The following C2CD3 variants were observed in gnomAD, a reference collection of about 807,000 sequenced individuals.
C2CD3 encodes C2 domain containing 3 centriole elongation regulator.
A neutral mutation model predicts 234.0 loss-of-function variants in C2CD3; 148 were observed. The observed-to-expected ratio is 0.63, with a 90% CI of 0.55 to 0.72. The LOEUF is 0.72. Among genes scored for constraint, C2CD3 ranks in the 30% least tolerant of loss-of-function variants. C2CD3 has a pLI of 0.00. For missense variants in C2CD3, 2,577 were observed against 2,811.5 expected, an observed-to-expected ratio of 0.92 and a Z score of 1.89; for synonymous variants, 1,000 against 1,035.4, an observed-to-expected ratio of 0.97 and a Z score of 0.66.
chr11:74,134,099 T>C lies in C2CD3; in HGVS notation c.956-542A>G, dbSNP rs183203796. Among the ~76,000 whole-genome samples the C allele has an allele frequency of 8.3e-4, 126 of 152,300 alleles. No individual in the cohort carries two copies. In the Middle Eastern group the frequency reaches 0.024, roughly 29 times the overall value. Reference sequence around the variant, plus strand: ...TCAGAGAATACACTTATGGAATGTTTACCACATGCGAGGCACTATTCTAAG... The same window carrying C: ...TCAGAGAATACACTTATGGAATGTTCACCACATGCGAGGCACTATTCTAAG... On this transcript the variant is annotated intron_variant, in intron 5 of 32. Transcript: ENST00000334126.
chr11:74,130,286 T>C (rs1590892926), intron 7 of C2CD3, among the ~76,000 whole-genome samples: 1 of 151,704 alleles, frequency 6.6e-6, no homozygotes, highest in Non-Finnish European at 1.5e-5. Flanking sequence ...AATACGGTGG[T>C]GTAATCCTAG....
chr11:74,133,394 C>T, intron 6 of C2CD3, 31 bp downstream of exon 6: 1 of 1,596,782 alleles, frequency 6.3e-7, no homozygotes, highest in South Asian at 1.1e-5. Flanking sequence ...AAGAAATGAA[C>T]TGTTAAGGTT....
Position 74,074,233 on chromosome 11 carries a change from G to C in C2CD3, c.4951+20C>G. ...CCCTGAAGAGTTAGACATGCTCCTGGGTAGGTGAGGAGAGCATACCTTTCA... is the reference window on the plus strand; with the variant it reads ...CCCTGAAGAGTTAGACATGCTCCTGCGTAGGTGAGGAGAGCATACCTTTCA... On this transcript the variant is annotated intron_variant, in intron 24 of 32. Coordinates refer to ENST00000334126, the MANE Select transcript of C2CD3 (RefSeq NM_001286577.2). 6.4e-7 allele frequency: 1 copy of C among 1,551,250 alleles called. No homozygotes were observed. The highest frequency in any genetic ancestry group is 8.9e-7 in the Non-Finnish European group (1 of 1,127,892).
chr11:74,033,690 T>C lies in C2CD3; in HGVS notation c.6470A>G (p.Glu2157Gly). 5 of 1,536,302 alleles carry C rather than the reference T, an allele frequency of 3.3e-6. No homozygotes were observed. Among genetic ancestry groups the C allele is most frequent in the Non-Finnish European group, 4.4e-6 (5 of 1,146,920 alleles). Residue 2157 changes from glutamate to glycine, a missense_variant, in exon 31 of 33, where the codon GAG becomes GGG. Glu to Gly is a moderately conservative substitution (Grantham distance 98). Transcript: ENST00000334126. The stretch of plus-strand genomic sequence containing the variant: ...GCCACCAACCCTGGCCTTAGAGGCC[T>C]CACACTCACAAGCAACAAGACTTTG... ...PSQSLVACEC[E>G]ASKARVGGES... is the part of the protein sequence containing the mutation.
At chr11:74,029,436 A>G (rs1431058393) in intron 31 of C2CD3, among the ~76,000 whole-genome samples, 3 of 152,224 alleles carry the variant, frequency 2.0e-5, no homozygotes, top group African/African-American at 7.2e-5. Context: ...ATATCTTGTG[A>G]ATGAATGAAA....
At chr11:74,039,206 G>C (rs747167136) in intron 29 of C2CD3, among the ~76,000 whole-genome samples, 1 of 152,192 alleles carries the variant, frequency 6.6e-6, no homozygotes, top group Non-Finnish European at 1.5e-5. Flanking sequence ...TTAGACCAGT[G>C]TAGAACCATG....
intron 3 of C2CD3, among the ~76,000 whole-genome samples, chr11:74,141,620 AAC>A (rs1277225511): frequency 1.3e-5 from 2 of 152,154 alleles, no homozygotes; most frequent in Non-Finnish European, 2.9e-5. Context: ...TTACAATCAA[AAC>A]ACAGTGGCCT....
chr11:74,102,120 G>A (rs550746465), intron 14 of C2CD3, among the ~76,000 whole-genome samples: 313 of 152,244 alleles, frequency 2.1e-3, no homozygotes, highest in African/African-American at 6.9e-3. Flanking sequence ...AATTAAGTTA[G>A]TAGTATCTAT....
chr11:74,154,780 G>C (rs1377539056), intron 3 of C2CD3, among the ~76,000 whole-genome samples: 2 of 152,098 alleles, frequency 1.3e-5, no homozygotes, highest in Non-Finnish European at 2.9e-5. Flanking sequence ...TTGGCTTGGG[G>C]GTTGCAGTCT....
At chr11:74,043,076 G>A (rs925250444) in intron 28 of C2CD3, among the ~76,000 whole-genome samples, 7 of 152,136 alleles carry the variant, frequency 4.6e-5, no homozygotes, top group South Asian at 2.1e-4. Context: ...ATGCAGTTAC[G>A]TAACTGTTAC....
chr11:74,112,445 A>C (rs569982657), intron 11 of C2CD3, among the ~76,000 whole-genome samples: 2 of 152,146 alleles, frequency 1.3e-5, no homozygotes, highest in African/African-American at 4.8e-5. Flanking sequence ...AGAAAAAAAA[A>C]CAGATAAACT....
At chr11:74,102,870 T>A (rs530390425) in intron 14 of C2CD3, among the ~76,000 whole-genome samples, 8 of 152,076 alleles carry the variant, frequency 5.3e-5, no homozygotes, top group Admixed American at 3.9e-4. Flanking sequence ...CAGAAAGGAA[T>A]AGAATCCCAA....
intron 29 of C2CD3, among the ~76,000 whole-genome samples, chr11:74,041,050 G>A (rs957411583): frequency 6.6e-6 from 1 of 151,230 alleles, no homozygotes; most frequent in African/African-American, 2.4e-5. Context: ...ATCTGTATGG[G>A]TAACTTTTTA....
At chr11:74,098,891 T>C (rs1478549316) in intron 15 of C2CD3, among the ~76,000 whole-genome samples, 4 of 152,206 alleles carry the variant, frequency 2.6e-5, no homozygotes, top group Non-Finnish European at 5.9e-5. Context: ...CTCAAGCAAT[T>C]CATTTAACAT....
In C2CD3 at chr11:74,033,949, G is replaced by C; in HGVS notation, c.6211C>G (p.Pro2071Ala). The C allele has an allele frequency of 6.5e-7, 1 of 1,536,362 alleles. No homozygotes were observed. Among genetic ancestry groups the C allele is most frequent in the East Asian group, 2.4e-5 (1 of 40,918 alleles). Reference sequence around the variant, plus strand: ...GTGGTGATCTCATTTAAGGTCCTGGGCTCAATGATGTCTTCTTCATAGTCC... The same window carrying C: ...GTGGTGATCTCATTTAAGGTCCTGGCCTCAATGATGTCTTCTTCATAGTCC... ...DEDYEEDIIE[P>A]RTLNEITTVT... The change falls in exon 31 of 33, where the codon CCC becomes GCC. Residue 2071 changes from proline to alanine, a missense_variant. Transcript: ENST00000334126.
chr11:74,143,454 G>A (rs923820546), intron 3 of C2CD3, among the ~76,000 whole-genome samples: 1 of 151,190 alleles, frequency 6.6e-6, no homozygotes, highest in Non-Finnish European at 1.5e-5. Flanking sequence ...CTGGGCTCAA[G>A]TGATCCTCCT....
chr11:74,117,816 G>C (rs191956147), intron 9 of C2CD3, among the ~76,000 whole-genome samples: 1 of 152,006 alleles, frequency 6.6e-6, no homozygotes, highest in Non-Finnish European at 1.5e-5. Context: ...GGGAGGCTGA[G>C]GCAGAAGAAT....
At chr11:74,018,816 C>T (rs138279559) in intron 32 of C2CD3, among the ~76,000 whole-genome samples, 68 of 152,314 alleles carry the variant, frequency 4.5e-4, no homozygotes, top group East Asian at 1.2e-3. Context: ...GCCCGGCTGC[C>T]GCATGGCTCT....
At position 74,033,948 on chromosome 11, in the gene C2CD3, G is replaced by A. The variant is rs1952618921; in HGVS notation, c.6212C>T (p.Pro2071Leu). ...CGTGGTGATCTCATTTAAGGTCCTGGGCTCAATGATGTCTTCTTCATAGTC... is the reference window on the plus strand; with the variant it reads ...CGTGGTGATCTCATTTAAGGTCCTGAGCTCAATGATGTCTTCTTCATAGTC... The part of the protein sequence containing the change: ...DEDYEEDIIE[P>L]RTLNEITTVT... Residue 2071 changes from proline (P) to leucine (L), a missense_variant, in exon 31 of 33, where the codon CCC (proline) becomes CTC (leucine). By Grantham distance (98) the Pro-to-Leu change is moderately conservative. Coordinates refer to ENST00000334126, the MANE Select transcript of C2CD3 (RefSeq NM_001286577.2). The A allele has an allele frequency of 6.5e-7, 1 of 1,536,180 alleles. No homozygotes were observed. The highest frequency in any genetic ancestry group is 2.4e-5 in the East Asian group (1 of 40,936).
Sources: gnomAD v4.1 joint callset for allele counts (sites outside exome capture counted in the v4.1 genomes callset) on GRCh38, gnomAD v4.1.1 for gene constraint, MANE v1.5 for transcripts, NCBI Gene and HGNC (gene_info 2026-07-23, HGNC 2026-07-21) for gene names.